The following STPG2 variants were observed in gnomAD, a reference collection of about 807,000 sequenced individuals.
STPG2 encodes sperm-tail PG-rich repeat-containing protein 2.
Under a neutral mutation model 54.2 loss-of-function variants are expected in STPG2, and 56 were observed. That is an observed-to-expected ratio of 1.03 (90% CI 0.83 to 1.29). The LOEUF is 1.29. Ranked by LOEUF, STPG2 falls within the 50% of genes most tolerant of loss-of-function variation. The pLI is 0.00. For missense variants in STPG2, 596 were observed against 544.9 expected, an observed-to-expected ratio of 1.09 and a Z score of -0.93; for synonymous variants, 200 against 181.8, an observed-to-expected ratio of 1.10 and a Z score of -0.81.
intron 3 of STPG2, among the ~76,000 whole-genome samples, chr4:98,112,208 G>A (rs1223125738): frequency 1.3e-5 from 2 of 152,054 alleles, no homozygotes; most frequent in Non-Finnish European, 1.5e-5. Context: ...ATACAATGGT[G>A]AGCCCGTAAG....
intron 10 of STPG2, among the ~76,000 whole-genome samples, chr4:97,590,770 A>C (rs1247188118): frequency 1.3e-5 from 2 of 152,090 alleles, no homozygotes; most frequent in Non-Finnish European, 2.9e-5. Flanking sequence ...AATTAATAAT[A>C]TTAATGCCTA....
At chr4:97,937,160 G>C (rs941185161) in intron 8 of STPG2, among the ~76,000 whole-genome samples, 7 of 151,648 alleles carry the variant, frequency 4.6e-5, no homozygotes, top group African/African-American at 1.7e-4. Flanking sequence ...TCTTCTGCTT[G>C]ATCGATTCAG....
intron 4 of STPG2, among the ~76,000 whole-genome samples, chr4:97,453,150 G>A (rs574487416): frequency 6.8e-4 from 103 of 152,286 alleles, no homozygotes; most frequent in Middle Eastern, 3.4e-3. Flanking sequence ...CTCCCTCTTT[G>A]GGGTCCTGCA....
At chr4:97,590,868 G>T (rs1239470581) in intron 10 of STPG2, among the ~76,000 whole-genome samples, 1 of 152,122 alleles carries the variant, frequency 6.6e-6, no homozygotes. Context: ...ATAAAGAGGG[G>T]ATGGAAATGT....
intron 10 of STPG2, among the ~76,000 whole-genome samples, chr4:97,698,150 C>T (rs1723645628): frequency 1.3e-5 from 2 of 152,124 alleles, no homozygotes; most frequent in Admixed American, 6.5e-5. Context: ...CAGCAAGAAC[C>T]TCAGCAGGTC....
chr4:97,934,030 C>T (rs28878289), intron 8 of STPG2, among the ~76,000 whole-genome samples: 59,354 of 151,994 alleles, frequency 0.39, 11,712 homozygotes, highest in Middle Eastern at 0.46. Context: ...TGTGTCCTCT[C>T]TTATTTTCTT....
chr4:97,608,337 T>G (rs1359784262), intron 10 of STPG2, among the ~76,000 whole-genome samples: 2 of 151,566 alleles, frequency 1.3e-5, no homozygotes, highest in South Asian at 2.1e-4. Context: ...CCTAACTGAT[T>G]AAAAAAAAAT....
At chr4:98,141,520 A>G (rs959405631) in intron 1 of STPG2, among the ~76,000 whole-genome samples, 1 of 152,134 alleles carries the variant, frequency 6.6e-6, no homozygotes, top group African/African-American at 2.4e-5. Flanking sequence ...CTTCAGATAG[A>G]CTCAACCAAT....
intron 8 of STPG2, among the ~76,000 whole-genome samples, chr4:97,859,007 C>T (rs1379445569): frequency 2.0e-5 from 3 of 152,164 alleles, no homozygotes; most frequent in African/African-American, 7.2e-5. Flanking sequence ...AGTTTACATT[C>T]CCAACAGCAG....
chr4:97,666,785 A>T (rs576070438), intron 10 of STPG2, among the ~76,000 whole-genome samples: 1 of 152,344 alleles, frequency 6.6e-6, no homozygotes, highest in East Asian at 1.9e-4. Flanking sequence ...AACTAATCTG[A>T]CCAAGATCAT....
chr4:97,528,810 T>C (rs1457484340), intron 4 of STPG2, among the ~76,000 whole-genome samples: 3 of 152,216 alleles, frequency 2.0e-5, no homozygotes, highest in Non-Finnish European at 4.4e-5. Flanking sequence ...TATCTATTAT[T>C]GGTGTATAGG....
chr4:97,736,674 C>T (rs1249148646), intron 9 of STPG2, among the ~76,000 whole-genome samples: 2 of 152,162 alleles, frequency 1.3e-5, no homozygotes, highest in African/African-American at 4.8e-5. Flanking sequence ...CCTGTCATTG[C>T]CCAGGCTTGC....
chr4:98,058,545 A>T (rs1737551156), intron 5 of STPG2, among the ~76,000 whole-genome samples: 1 of 152,230 alleles, frequency 6.6e-6, no homozygotes. Flanking sequence ...ATGCAAGAGC[A>T]CCCAGATTCA....
At chr4:97,822,663 C>T (rs1241333635) in intron 9 of STPG2, among the ~76,000 whole-genome samples, 1 of 152,152 alleles carries the variant, frequency 6.6e-6, no homozygotes, top group Non-Finnish European at 1.5e-5. Context: ...GGAGCTTTTA[C>T]TTATGGCAGA....
chr4:97,999,475 G>A (rs1735344511), intron 5 of STPG2, among the ~76,000 whole-genome samples: 1 of 151,730 alleles, frequency 6.6e-6, no homozygotes, highest in Non-Finnish European at 1.5e-5. Context: ...GGCCGAGGTG[G>A]GCAGATCATT....
chr4:97,870,911 TG>T (rs1310733059), intron 8 of STPG2, among the ~76,000 whole-genome samples: 16 of 151,378 alleles, frequency 1.1e-4, no homozygotes, highest in Admixed American at 3.3e-4. Context: ...ATACATTTTA[TG>T]TCACAAAGAA....
intron 10 of STPG2, among the ~76,000 whole-genome samples, chr4:97,578,102 CTTTT>C (rs10571752): frequency 0.011 from 1,271 of 115,958 alleles, 6 homozygotes; most frequent in South Asian, 0.024. Flanking sequence ...TTCTTTCTTT[CTTTT>C]TTTTTTTTTT....
intron 4 of STPG2, among the ~76,000 whole-genome samples, chr4:98,106,591 TA>T (rs1053468638): frequency 3.9e-5 from 6 of 152,300 alleles, no homozygotes; most frequent in Admixed American, 3.3e-4. Context: ...TTAGACAGCC[TA>T]ATAAGATCCC....
intron 10 of STPG2, among the ~76,000 whole-genome samples, chr4:97,596,631 C>T (rs1028819610): frequency 6.6e-6 from 1 of 151,928 alleles, no homozygotes; most frequent in African/African-American, 2.4e-5. Context: ...TATACAATTG[C>T]AGGAAAATGA....
Sources: allele counts gnomAD v4.1 joint callset (sites outside exome capture counted in the v4.1 genomes callset), GRCh38; gene constraint gnomAD v4.1.1; transcripts MANE v1.5; gene names NCBI Gene and HGNC (gene_info 2026-07-23, HGNC 2026-07-21).